Variants in BRMS1L observed in about 807,000 individuals in gnomAD.
BRMS1L encodes the protein breast cancer metastasis-suppressor 1-like protein.
A neutral mutation model predicts 50.3 loss-of-function variants in BRMS1L; 23 were observed. That is an observed-to-expected ratio of 0.46 (90% CI 0.33 to 0.65). The LOEUF (loss-of-function observed/expected upper bound fraction) is 0.65, where lower values mean the gene tolerates loss of function less well. Among genes scored for constraint, BRMS1L ranks in the 30% least tolerant of loss-of-function variants. The probability of loss-of-function intolerance (pLI) is 0.02; values close to 1 mark genes in which losing one functional copy is unlikely to be tolerated. For synonymous variants in BRMS1L, 114 were observed against 126.9 expected (o/e 0.90, Z 0.69); for missense variants, 286 against 386.1 (o/e 0.74, Z 2.17).
intron 4 of BRMS1L, among the ~76,000 whole-genome samples, chr14:35,860,700 A>G (rs1023929600): frequency 2.0e-5 from 3 of 152,208 alleles, no homozygotes; most frequent in Non-Finnish European, 2.9e-5. Flanking sequence ...ATGTTAAGTC[A>G]GGGAACTGCC....
chr14:35,841,487 TGG>T (rs1428934641), intron 4 of BRMS1L, among the ~76,000 whole-genome samples: 1 of 151,988 alleles, frequency 6.6e-6, no homozygotes, highest in East Asian at 1.9e-4. Context: ...TTAGTAGAGA[TGG>T]GGTTTCACTG....
chr14:35,858,014 A>G (rs977447219), intron 4 of BRMS1L, among the ~76,000 whole-genome samples: 7 of 130,666 alleles, frequency 5.4e-5, no homozygotes, highest in South Asian at 4.7e-4. Context: ...CAAGAAAAGT[A>G]AAAAAAAAAA....
chr14:35,850,289 C>T (rs2078193885), intron 4 of BRMS1L, among the ~76,000 whole-genome samples: 1 of 149,990 alleles, frequency 6.7e-6, no homozygotes, highest in African/African-American at 2.5e-5. Context: ...CTCACCCCAA[C>T]CTCTGTCTCC....
intron 4 of BRMS1L, among the ~76,000 whole-genome samples, chr14:35,843,050 A>G (rs1324343747): frequency 6.6e-6 from 1 of 152,074 alleles, no homozygotes; most frequent in Non-Finnish European, 1.5e-5. Flanking sequence ...TTCTTCCCTT[A>G]ACTAGTTATT....
intron 4 of BRMS1L, among the ~76,000 whole-genome samples, chr14:35,835,134 T>A (rs1239823925): frequency 1.3e-5 from 2 of 151,990 alleles, no homozygotes; most frequent in Non-Finnish European, 2.9e-5. Context: ...AAAACTGAGA[T>A]AATTTTAGAA....
chr14:35,840,950 C>T (rs142685004), intron 4 of BRMS1L, among the ~76,000 whole-genome samples: 186 of 152,146 alleles, frequency 1.2e-3, no homozygotes, highest in Non-Finnish European at 2.1e-3. Context: ...GTTAGGGTGT[C>T]GATTTTAGCT....
At chr14:35,859,711 G>A (rs986559555) in intron 4 of BRMS1L, among the ~76,000 whole-genome samples, 4 of 152,150 alleles carry the variant, frequency 2.6e-5, no homozygotes, top group Non-Finnish European at 5.9e-5. Flanking sequence ...GTACAGTGGT[G>A]CAATCATAGC....
intron 2 of BRMS1L, 77 bp from the exon 3 acceptor site, chr14:35,832,901 A>G: frequency 7.6e-7 from 1 of 1,318,940 alleles, no homozygotes. Context: ...ATTGGGAACA[A>G]ATAATGTATA....
intron 4 of BRMS1L, among the ~76,000 whole-genome samples, chr14:35,854,768 A>C (rs1218618877): frequency 1.3e-5 from 2 of 152,298 alleles, no homozygotes; most frequent in South Asian, 4.1e-4. Context: ...ATTGGTAGGA[A>C]TTCTGTGAGC....
chr14:35,859,603 A>G (rs1438304314), intron 4 of BRMS1L, among the ~76,000 whole-genome samples: 1 of 151,986 alleles, frequency 6.6e-6, no homozygotes, highest in Non-Finnish European at 1.5e-5. Context: ...TTTTTCGTTC[A>G]TTGTGCTGGA....
chr14:35,864,540 C>T (rs1056046334), intron 6 of BRMS1L, among the ~76,000 whole-genome samples: 4 of 152,178 alleles, frequency 2.6e-5, no homozygotes, highest in Non-Finnish European at 5.9e-5. Context: ...AGGCATGAGC[C>T]ACTGTGCCTA....
intron 4 of BRMS1L, among the ~76,000 whole-genome samples, chr14:35,857,070 G>T (rs953070318): frequency 2.0e-5 from 3 of 151,604 alleles, no homozygotes; most frequent in African/African-American, 7.3e-5. Context: ...ATGAAACCCC[G>T]TCTGTACCAA....
intron 4 of BRMS1L, among the ~76,000 whole-genome samples, chr14:35,847,478 T>C (rs2078151166): frequency 6.6e-6 from 1 of 152,184 alleles, no homozygotes; most frequent in South Asian, 2.1e-4. Flanking sequence ...TTTAAAAATA[T>C]TTTGTAGAGA....
intron 9 of BRMS1L, among the ~76,000 whole-genome samples, chr14:35,869,837 C>CTCT (rs892821770): frequency 2.0e-5 from 3 of 151,526 alleles, no homozygotes; most frequent in African/African-American, 7.3e-5. Flanking sequence ...CAGAGTGAGA[C>CTCT]TCTGTCTCAA....
At chr14:35,838,828 C>G (rs949219063) in intron 4 of BRMS1L, among the ~76,000 whole-genome samples, 40 of 152,170 alleles carry the variant, frequency 2.6e-4, no homozygotes, top group African/African-American at 8.7e-4. Flanking sequence ...GTTGCCTGTT[C>G]ACTCTGATGA....
chr14:35,840,146 G>C (rs985089824), intron 4 of BRMS1L, among the ~76,000 whole-genome samples: 1 of 152,150 alleles, frequency 6.6e-6, no homozygotes, highest in Non-Finnish European at 1.5e-5. Context: ...TTTTGTCATT[G>C]GTCCTGTTTA....
At chr14:35,854,268 T>G (rs1340158398) in intron 4 of BRMS1L, among the ~76,000 whole-genome samples, 1 of 152,170 alleles carries the variant, frequency 6.6e-6, no homozygotes, top group Non-Finnish European at 1.5e-5. Flanking sequence ...CAGTTTTTAT[T>G]CATCTGAAAA....
At chr14:35,869,270 G>A (rs1010991660) in intron 9 of BRMS1L, among the ~76,000 whole-genome samples, 6 of 152,148 alleles carry the variant, frequency 3.9e-5, no homozygotes, top group South Asian at 4.2e-4. Flanking sequence ...AAGAGATGAG[G>A]CCAGGTACAA....
At chr14:35,865,882 C>A in intron 8 of BRMS1L, 121 bp downstream of exon 8, 1 of 870,684 alleles carries the variant, frequency 1.1e-6, no homozygotes, top group Non-Finnish European at 1.8e-6. Flanking sequence ...AACACCGTGC[C>A]TGAAATTATG....
Sources: gnomAD v4.1 joint callset for allele counts (sites outside exome capture counted in the v4.1 genomes callset) on GRCh38, gnomAD v4.1.1 for gene constraint, MANE v1.5 for transcripts, NCBI Gene and HGNC (gene_info 2026-07-23, HGNC 2026-07-21) for gene names.